The following FRMD4B variants were observed in gnomAD, a reference collection of about 807,000 sequenced individuals.
FRMD4B encodes FERM domain containing 4B.
FRMD4B carries 74 observed loss-of-function variants against 141.5 expected under a neutral mutation model. The ratio of observed to expected loss-of-function variants is 0.52; its 90% CI spans 0.43 to 0.63. The LOEUF is 0.63. Ranked by LOEUF, FRMD4B falls within the 30% of genes least tolerant of loss-of-function variation. The probability of loss-of-function intolerance (pLI) is 0.00; values close to 1 mark genes in which losing one functional copy is unlikely to be tolerated. For synonymous variants in FRMD4B, 506 were observed against 467.9 expected (o/e 1.08, Z -1.05); for missense variants, 1,366 against 1,253.4 (o/e 1.09, Z -1.36).
intron 1 of FRMD4B, among the ~76,000 whole-genome samples, chr3:69,492,203 T>G (rs1031796825): frequency 3.3e-5 from 5 of 152,170 alleles, no homozygotes; most frequent in Non-Finnish European, 5.9e-5. Flanking sequence ...TTGCAAGACC[T>G]GCATTTGAAT....
chr3:69,517,939 T>C (rs191643674), intron 1 of FRMD4B, among the ~76,000 whole-genome samples: 2 of 152,154 alleles, frequency 1.3e-5, no homozygotes, highest in Non-Finnish European at 2.9e-5. Context: ...CACCACAGAG[T>C]TTCTGATTCT....
intron 5 of FRMD4B, among the ~76,000 whole-genome samples, chr3:69,267,575 ATATGTGTG>A (rs1415753132): frequency 0.027 from 327 of 12,040 alleles, 1 homozygote; most frequent in African/African-American, 0.072. Flanking sequence ...ACATATATAT[ATATGTGTG>A]TGTGTGTGTG....
At chr3:69,311,378 T>G (rs1575718718) in intron 2 of FRMD4B, 21 bp from the exon 3 acceptor site, 1 of 1,341,512 alleles carries the variant, frequency 7.5e-7, no homozygotes, top group Admixed American at 1.7e-5. Context: ...AAAAATCTGG[T>G]TAGAAGCAAT....
intron 1 of FRMD4B, among the ~76,000 whole-genome samples, chr3:69,343,574 T>G (rs1229247107): frequency 1.4e-5 from 1 of 72,060 alleles, no homozygotes; most frequent in Non-Finnish European, 3.0e-5. Context: ...TTAACAGTTT[T>G]TTGTTTTTTT....
intron 5 of FRMD4B, among the ~76,000 whole-genome samples, chr3:69,253,183 A>ATTTTTTTTTTTTTTTTTT (rs5849890): frequency 7.7e-6 from 1 of 129,892 alleles, no homozygotes; most frequent in African/African-American, 3.0e-5. Flanking sequence ...TATGATTCCT[A>ATTTTTTTTTTTTTTTTTT]TTTTTTTTTT....
intron 5 of FRMD4B, among the ~76,000 whole-genome samples, chr3:69,280,704 T>G (rs950770207): frequency 6.6e-6 from 1 of 152,114 alleles, no homozygotes; most frequent in Non-Finnish European, 1.5e-5. Context: ...CACTGCAACC[T>G]CTGCCTCCTG....
intron 2 of FRMD4B, among the ~76,000 whole-genome samples, chr3:69,391,469 A>G (rs1287438756): frequency 7.0e-6 from 1 of 142,200 alleles, no homozygotes; most frequent in Non-Finnish European, 1.5e-5. Flanking sequence ...CCACTGTTCA[A>G]TTCCCACCTA....
At chr3:69,520,543 T>C (rs1700839408) in intron 1 of FRMD4B, among the ~76,000 whole-genome samples, 1 of 151,746 alleles carries the variant, frequency 6.6e-6, no homozygotes, top group East Asian at 1.9e-4. Flanking sequence ...TCTCTCTCTT[T>C]CTATCCTGGG....
At position 69,193,858 on chromosome 3, in the gene FRMD4B, C is replaced by G. The variant is rs1244434669; in HGVS notation, c.1504G>C (p.Glu502Gln). Residue 502 changes from glutamate to glutamine, a missense_variant, in exon 17 of 23, where the codon GAA (glutamate) becomes CAA (glutamine). Glu to Gln is a conservative substitution (Grantham distance 29, BLOSUM62 2). Transcript: ENST00000398540. ...TGTATTAGAAAATTACTCTCCAGTT[C>G]TTGCAAAGCAGGATCCTGCATTTAT... ...LPSEEDPALQ[E>Q]LESNFLIQQK... 6.2e-7 allele frequency: 1 copy of G among 1,608,242 alleles called. No homozygotes were observed. The highest frequency in any genetic ancestry group is 2.2e-5 in the East Asian group (1 of 44,858).
intron 11 of FRMD4B, among the ~76,000 whole-genome samples, chr3:69,213,234 C>T (rs999317399): frequency 5.9e-5 from 9 of 151,972 alleles, no homozygotes; most frequent in Non-Finnish European, 1.0e-4. Flanking sequence ...TGAACTGGTA[C>T]CATTTTTTTA....
At chr3:69,497,718 CT>C (rs1350782903) in intron 1 of FRMD4B, among the ~76,000 whole-genome samples, 1 of 152,098 alleles carries the variant, frequency 6.6e-6, no homozygotes, top group Non-Finnish European at 1.5e-5. Flanking sequence ...CCTCATGGAA[CT>C]TTTTTTAAGA....
At chr3:69,200,574 C>T in intron 11 of FRMD4B, 1 of 1,146,796 alleles carries the variant, frequency 8.7e-7, no homozygotes, top group Non-Finnish European at 1.1e-6. Context: ...CCACGGCTGA[C>T]ACACTACTGA....
At chr3:69,504,189 G>A (rs1909349) in intron 1 of FRMD4B, among the ~76,000 whole-genome samples, 90,176 of 151,446 alleles carry the variant, frequency 0.6, 28,823 homozygotes, top group African/African-American at 0.86. Context: ...TTTAATGGCA[G>A]TAAAGTATAA....
chr3:69,255,134 T>C (rs1037352904), intron 5 of FRMD4B, among the ~76,000 whole-genome samples: 23 of 152,192 alleles, frequency 1.5e-4, no homozygotes, highest in African/African-American at 5.1e-4. Flanking sequence ...ATTTTCTGAA[T>C]GTGATCATTA....
intron 1 of FRMD4B, among the ~76,000 whole-genome samples, chr3:69,337,912 A>T (rs1702608936): frequency 6.6e-6 from 1 of 152,224 alleles, no homozygotes. Context: ...TTCCTCAGGG[A>T]TCTAGCAGTA....
intron 1 of FRMD4B, among the ~76,000 whole-genome samples, chr3:69,438,554 T>A (rs1705295549): frequency 1.3e-5 from 2 of 152,322 alleles, no homozygotes; most frequent in Non-Finnish European, 1.5e-5. Flanking sequence ...TGTTGACAAA[T>A]TCCTGGCTTG....
Position 69,540,656 on chromosome 3 carries a change from T to TACACAC in FRMD4B, c.-129+1549_-129+1550insGTGTGT, listed in dbSNP as rs1157143009. Reference sequence around the variant, plus strand: ...AAAAAAATATATATATATATATATATATATACACACACACACACACACACA... The same window carrying TACACAC: ...AAAAAAATATATATATATATATATATACACACATATACACACACACACACACACACA... On this transcript the variant is annotated intron_variant, in intron 1 of 5. Transcript: ENST00000459638. Among the ~76,000 whole-genome samples the TACACAC allele has an allele frequency of 2.2e-3, 165 of 75,374 alleles. 1 individual carries two copies. Among genetic ancestry groups the TACACAC allele is most frequent in the African/African-American group, 8.0e-3 (110 of 13,784 alleles). The allele number at this position is 75,374 out of a possible 152,430, so 49.4% of individuals were successfully genotyped here. A position where few individuals can be genotyped will look rare whatever the true frequency, so the allele number is the denominator to read the frequency against.
At chr3:69,447,695 C>T (rs1384762300) in intron 1 of FRMD4B, among the ~76,000 whole-genome samples, 6 of 152,174 alleles carry the variant, frequency 3.9e-5, no homozygotes, top group Non-Finnish European at 8.8e-5. Context: ...GTGCTCATTT[C>T]TCTCTCTTAC....
intron 11 of FRMD4B, among the ~76,000 whole-genome samples, chr3:69,206,100 C>G (rs1197920808): frequency 6.6e-6 from 1 of 152,140 alleles, no homozygotes; most frequent in East Asian, 1.9e-4. Context: ...TCCTGTAATT[C>G]CAGTACTTTG....
Sources: allele counts gnomAD v4.1 joint callset (sites outside exome capture counted in the v4.1 genomes callset), GRCh38; gene constraint gnomAD v4.1.1; transcripts MANE v1.5; gene names NCBI Gene and HGNC (gene_info 2026-07-23, HGNC 2026-07-21).